Variants in TASOR2 observed in about 807,000 individuals in gnomAD.
TASOR2 encodes protein TASOR 2.
A neutral mutation model predicts 199.5 loss-of-function variants in TASOR2; 84 were observed. The observed-to-expected ratio is 0.42, with a 90% CI of 0.35 to 0.50. The LOEUF (loss-of-function observed/expected upper bound fraction) is 0.50. TASOR2 is among the 20% of genes least tolerant of loss of function. TASOR2 has a pLI of 0.02. For synonymous variants in TASOR2, 1,103 were observed against 1,046.6 expected (o/e 1.05, Z -1.04); for missense variants, 2,796 against 2,835.9 (o/e 0.99, Z 0.32).
chr10:5,691,075 C>G (rs560907242), intron 1 of TASOR2, among the ~76,000 whole-genome samples: 126 of 143,404 alleles, frequency 8.8e-4, no homozygotes, highest in Admixed American at 2.5e-3. Flanking sequence ...CCTGTAGTCC[C>G]AGCTTCTTGG....
At chr10:5,747,427 G>A in exon 15 of TASOR2, 1 of 1,614,174 alleles carries the variant, frequency 6.2e-7, no homozygotes. Flanking sequence ...AGAAAGCAGA[G>A]AAGTGAGTTC....
At chr10:5,686,689 T>A (rs940731782) in intron 1 of TASOR2, among the ~76,000 whole-genome samples, 7 of 152,254 alleles carry the variant, frequency 4.6e-5, no homozygotes, top group Admixed American at 1.3e-4. Context: ...ATGGTATTTT[T>A]AAAATATCTT....
rs561967214 is a variant in TASOR2 at position 5,705,118 on chromosome 10, C to G, written c.-287-7705C>G. Among the ~76,000 whole-genome samples the G allele has an allele frequency of 3.9e-5, 6 of 152,188 alleles. No individual in the cohort carries two copies. The South Asian group carries it at 1.2e-3, about 32-fold the overall frequency. On this transcript the variant is annotated intron_variant, in intron 1 of 20. Coordinates refer to ENST00000328090, the Ensembl canonical transcript of TASOR2. The stretch of plus-strand genomic sequence containing the variant: ...AATAAAAATAGTGTGTGTCCATCAC[C>G]CCAGAAAGTTCCCTTGTGCATACCC...
At position 5,699,327 on chromosome 10, in the gene TASOR2, AG is replaced by A. The variant is rs1837525255; in HGVS notation, c.-287-13492del. On this transcript the variant is annotated intron_variant, in intron 1 of 20. Transcript: ENST00000328090. The surrounding 1 kb of genome is among the most constrained non-coding windows in gnomAD (Gnocchi z 4.1). ...GGTTTCCTAGGCCTAGGAACCAGTG[AG>A]GGGTGAGGAGGATAGCTAAGGGGTA... The A allele has an allele frequency of 6.6e-6, 1 of 152,202 alleles. No homozygotes were observed. Among genetic ancestry groups the A allele is most frequent in the Admixed American group, 6.5e-5 (1 of 15,276 alleles). The allele number at this position is 152,202 out of a possible 1,614,324, so 9.4% of individuals were successfully genotyped here.
exon 16 of TASOR2, chr10:5,756,637 A>G (rs762348226): frequency 9.3e-6 from 15 of 1,613,600 alleles, no homozygotes; most frequent in Non-Finnish European, 1.3e-5. Flanking sequence ...AGGAGGCCAT[A>G]CAGAAATTGA....
intron 15 of TASOR2, 23 bp from the exon 17 acceptor site, chr10:5,756,590 A>G (rs369035100): frequency 5.0e-6 from 8 of 1,604,808 alleles, no homozygotes; most frequent in African/African-American, 1.4e-5. Flanking sequence ...TTTTTTAATA[A>G]TGGCTATTTG....
Position 5,737,335 on chromosome 10 carries a change from T to G in TASOR2, c.1447+1789T>G, listed in dbSNP as rs1196740849. On this transcript the variant is annotated intron_variant, in intron 12 of 20. Transcript: ENST00000328090. The surrounding 1 kb of genome is among the most constrained non-coding windows in gnomAD (Gnocchi z 4.9). ...CATACCCTGAGATTCTTTAAGTTTT[T>G]TCAGATTGTTTTATGACTGAAGATT... Among the ~76,000 whole-genome samples, 2 of 152,132 alleles carry G rather than the reference T, an allele frequency of 1.3e-5. No homozygotes were observed. The highest frequency in any genetic ancestry group is 4.1e-4 in the South Asian group (2 of 4,828).
At position 5,730,244 on chromosome 10, in the gene TASOR2, T is replaced by C. The variant is rs1284240501; in HGVS notation, c.488-243T>C. 1.3e-5 allele frequency among the ~76,000 whole-genome samples: 2 copies of C among 152,206 alleles called. No homozygotes were observed. Among genetic ancestry groups the C allele is most frequent in the African/African-American group, 4.8e-5 (2 of 41,454 alleles). On this transcript the variant is annotated intron_variant, in intron 10 of 20. Coordinates refer to ENST00000328090, the Ensembl canonical transcript of TASOR2. The surrounding 1 kb of genome is among the most constrained non-coding windows in gnomAD (Gnocchi z 4.1). ...GTTTAGTTTACTTGTTCTAACCTAG[T>C]GATTGCATGTCAGATGATTCTTTTT...
chr10:5,742,276 G>T lies in TASOR2; in HGVS notation c.2507G>T (p.Arg836Leu), dbSNP rs189079362. The T allele has an allele frequency of 8.7e-6, 14 of 1,614,206 alleles. No individual in the cohort carries two copies. Among genetic ancestry groups the T allele is most frequent in the Non-Finnish European group, 1.1e-5 (13 of 1,180,026 alleles). The change falls in exon 14 of 21, where the codon CGT becomes CTT. Residue 836 changes from arginine to leucine, a missense_variant. Arg to Leu is a moderately radical substitution (Grantham distance 102). Transcript: ENST00000328090. This position sits in a 1 kb window ranked among gnomAD's most constrained non-coding sequence, Gnocchi z 4.2. ...AGCACGTTAGAATCTTGTGAGCTCC[G>T]TGAAATTGAGGAGTCCCTTGGTTTG... is the stretch of plus-strand genomic sequence containing the variant.
rs1183335728 is a variant in TASOR2 at position 5,699,049 on chromosome 10, T to C, written c.-287-13774T>C. On this transcript the variant is annotated intron_variant, in intron 1 of 20. Transcript: ENST00000328090. This position sits in a 1 kb window ranked among gnomAD's most constrained non-coding sequence, Gnocchi z 4.1. The stretch of plus-strand genomic sequence containing the variant: ...TACATGAATGCTCATAGCATAATTA[T>C]TCATAATAGCCAAAATGTAGAAACA... Among the ~76,000 whole-genome samples, 1 of 152,206 alleles carries C rather than the reference T, an allele frequency of 6.6e-6. No homozygotes were observed. Among genetic ancestry groups the C allele is most frequent in the African/African-American group, 2.4e-5 (1 of 41,454 alleles).
chr10:5,729,226 A>G (rs1448314867), intron 10 of TASOR2, among the ~76,000 whole-genome samples: 1 of 152,166 alleles, frequency 6.6e-6, no homozygotes, highest in East Asian at 1.9e-4. Context: ...GCACATGCAT[A>G]TAATTCCAGC....
At chr10:5,708,997 C>T (rs1401702796) in intron 1 of TASOR2, among the ~76,000 whole-genome samples, 1 of 152,108 alleles carries the variant, frequency 6.6e-6, no homozygotes, top group Non-Finnish European at 1.5e-5. Context: ...CCACCTCGCC[C>T]AGCCTAATCT....
chr10:5,716,572 G>C lies in TASOR2; in HGVS notation c.-191-1087G>C, dbSNP rs372533761. ...CATTATGAAAAATTCAGACATAAAA[G>C]TAAAGAGCATACCATAATATACCTA... is the stretch of plus-strand genomic sequence containing the variant. On this transcript the variant is annotated intron_variant, in intron 2 of 20. Coordinates refer to ENST00000328090, the Ensembl canonical transcript of TASOR2. Among the ~76,000 whole-genome samples, 8 of 152,028 alleles carry C rather than the reference G, an allele frequency of 5.3e-5. 1 individual carries two copies. In the East Asian group the frequency reaches 9.7e-4, roughly 18 times the overall value.
chr10:5,761,465 C>A lies in TASOR2; in HGVS notation c.7168C>A (p.Leu2390Ile), dbSNP rs148894359. The A allele has an allele frequency of 3.1e-6, 5 of 1,610,704 alleles. No individual in the cohort carries two copies. In the Admixed American group the frequency reaches 5.0e-5, roughly 16 times the overall value. The change falls in exon 19 of 21, where the codon CTA becomes ATA. Residue 2390 changes from leucine (L) to isoleucine (I), a missense_variant. Physicochemically the swap from Leu to Ile is conservative, Grantham distance 5 (BLOSUM62 2). This residue lies in a region of TASOR2 where 1,941 missense variants were observed against 1,924.9 expected (regional missense o/e 1.01). Transcript: ENST00000328090. ...TATTGATGCCAGGTTTGCTGTCCTC[C>A]TAACAGGTAATTCACAGGCGCATTT...
chr10:5,735,444 G>C, exon 12 of TASOR2: 1 of 1,614,130 alleles, frequency 6.2e-7, no homozygotes, highest in Non-Finnish European at 8.5e-7. Flanking sequence ...AGTCAAAACT[G>C]TTCCAAGGGC....
chr10:5,759,117 C>T (rs1400037455), intron 18 of TASOR2, 125 bp downstream of exon 19: 4 of 651,660 alleles, frequency 6.1e-6, no homozygotes, highest in Non-Finnish European at 1.1e-5. Flanking sequence ...AGCATGAGGG[C>T]TGCTGGCTCT....
chr10:5,740,580 A>G lies in TASOR2; in HGVS notation c.2327+83A>G. 7.2e-7 allele frequency: 1 copy of G among 1,393,960 alleles called. No homozygotes were observed. The highest frequency in any genetic ancestry group is 9.7e-7 in the Non-Finnish European group (1 of 1,025,728). The allele number at this position is 1,393,960 out of a possible 1,614,324, so 86.3% of individuals were successfully genotyped here. A position where few individuals can be genotyped will look rare whatever the true frequency, so the allele number is the denominator to read the frequency against. ...AGTGAGATGGGGAAACTTATGCCAA[A>G]CTCTGGAGAAGGAGAAAGAAGTGTT... On this transcript the variant is annotated intron_variant, in intron 13 of 20. Coordinates refer to ENST00000328090, the Ensembl canonical transcript of TASOR2. The surrounding 1 kb of genome is among the most constrained non-coding windows in gnomAD (Gnocchi z 5.3).
rs1004334977 is a variant in TASOR2 at position 5,754,697 on chromosome 10, T to A, written c.6607-1916T>A. 2.0e-5 allele frequency among the ~76,000 whole-genome samples: 3 copies of A among 152,160 alleles called. No homozygotes were observed. Among genetic ancestry groups the A allele is most frequent in the African/African-American group, 7.2e-5 (3 of 41,422 alleles). ...ATAATATTTTATCACGTGGTGTCAC[T>A]GTTTACAACAGAAAATAACAAATGT... On this transcript the variant is annotated intron_variant, in intron 15 of 20. Transcript: ENST00000328090. This position sits in a 1 kb window ranked among gnomAD's most constrained non-coding sequence, Gnocchi z 4.3.
At position 5,720,685 on chromosome 10, in the gene TASOR2, A is replaced by G; in HGVS notation, c.26+17A>G. 6.2e-7 allele frequency: 1 copy of G among 1,614,096 alleles called. No homozygotes were observed. The highest frequency in any genetic ancestry group is 8.5e-7 in the Non-Finnish European group (1 of 1,179,998). On this transcript the variant is annotated intron_variant, in intron 4 of 20. Transcript: ENST00000328090. This position sits in a 1 kb window ranked among gnomAD's most constrained non-coding sequence, Gnocchi z 5.3. ...TAAAAGCATGTAAGTAATTATGTGC[A>G]TGCTTTGTTTTACTGAATTTGTTCC...
Sources: allele counts gnomAD v4.1 joint callset (sites outside exome capture counted in the v4.1 genomes callset), GRCh38; gene constraint gnomAD v4.1.1; regional missense constraint gnomAD v4.1.1; non-coding constraint Gnocchi (gnomAD v3.1); transcripts MANE v1.5; gene names NCBI Gene and HGNC (gene_info 2026-07-23, HGNC 2026-07-21).